GLIS3: variants seen among roughly 807,000 people sequenced by gnomAD.
GLIS3 encodes the protein GLIS family zinc finger 3.
Under a neutral mutation model 78.6 loss-of-function variants are expected in GLIS3, and 53 were observed. The observed-to-expected ratio is 0.67, with a 90% CI of 0.54 to 0.85. GLIS3 has a LOEUF of 0.85. Ranked by LOEUF, GLIS3 falls within the 40% of genes least tolerant of loss-of-function variation. GLIS3 has a pLI of 0.00. For missense variants in GLIS3, 1,703 were observed against 1,231.1 expected, an observed-to-expected ratio of 1.38 and a Z score of -5.74; for synonymous variants, 684 against 509.9, an observed-to-expected ratio of 1.34 and a Z score of -4.60.
the GLIS3 span, among the ~76,000 whole-genome samples, chr9:4,425,007 G>A: frequency 4.6e-5 from 7 of 152,060 alleles, no homozygotes; most frequent in Non-Finnish European, 7.4e-5. Flanking sequence ...GGGAGCTCCC[G>A]TATTCCCCTC....
chr9:4,479,975 G>C, the GLIS3 span, among the ~76,000 whole-genome samples: 1 of 121,550 alleles, frequency 8.2e-6, no homozygotes, highest in Non-Finnish European at 1.6e-5. Context: ...GGCTGGTCTT[G>C]AACTCCCGAC....
chr9:4,042,138 T>C (rs1824865145), intron 4 of GLIS3, among the ~76,000 whole-genome samples: 1 of 152,162 alleles, frequency 6.6e-6, no homozygotes, highest in African/African-American at 2.4e-5. Flanking sequence ...TGTTTTTTTT[T>C]TCTTTAGTCA....
intron 2 of GLIS3, among the ~76,000 whole-genome samples, chr9:4,266,033 C>T (rs1460692771): frequency 4.6e-5 from 7 of 152,226 alleles, no homozygotes; most frequent in African/African-American, 1.7e-4. Flanking sequence ...ATTCTCCTGC[C>T]TCAGCCTCCC....
intron 2 of GLIS3, among the ~76,000 whole-genome samples, chr9:4,170,477 T>C (rs1231361366): frequency 6.6e-6 from 1 of 152,194 alleles, no homozygotes; most frequent in South Asian, 2.1e-4. Context: ...CCCAGCTCTA[T>C]GGGAAATCTC....
intron 4 of GLIS3, among the ~76,000 whole-genome samples, chr9:3,943,641 C>G (rs1448737455): frequency 6.6e-6 from 1 of 152,184 alleles, no homozygotes; most frequent in Non-Finnish European, 1.5e-5. Flanking sequence ...CCAAAGGTTC[C>G]AAGTATCTAA....
chr9:4,080,866 A>T (rs1285173121), intron 4 of GLIS3, among the ~76,000 whole-genome samples: 1 of 152,030 alleles, frequency 6.6e-6, no homozygotes, highest in East Asian at 1.9e-4. Context: ...GATCATCTTG[A>T]CCCCCGGGCG....
chr9:4,053,070 C>G (rs1825852303), intron 4 of GLIS3, among the ~76,000 whole-genome samples: 1 of 152,162 alleles, frequency 6.6e-6, no homozygotes, highest in Non-Finnish European at 1.5e-5. Context: ...GCCTCAGCCT[C>G]CTGAGTAGCT....
intron 2 of GLIS3, among the ~76,000 whole-genome samples, chr9:4,281,813 A>G (rs1156717934): frequency 6.6e-6 from 1 of 152,206 alleles, no homozygotes; most frequent in Non-Finnish European, 1.5e-5. Flanking sequence ...ACTTACTGTT[A>G]AAACTGTCAA....
the GLIS3 span, among the ~76,000 whole-genome samples, chr9:4,421,117 T>C: frequency 1.3e-5 from 2 of 152,366 alleles, no homozygotes; most frequent in East Asian, 1.9e-4. Flanking sequence ...TGTCAGTGAC[T>C]GCTGACTTGT....
intron 8 of GLIS3, among the ~76,000 whole-genome samples, chr9:3,857,785 G>A (rs1028123760): frequency 2.0e-5 from 3 of 152,182 alleles, no homozygotes; most frequent in African/African-American, 7.2e-5. Flanking sequence ...TAGCTTGAGA[G>A]AAAACACAGC....
chr9:4,131,240 T>C (rs1832951780), intron 2 of GLIS3, among the ~76,000 whole-genome samples: 1 of 152,192 alleles, frequency 6.6e-6, no homozygotes, highest in African/African-American at 2.4e-5. Context: ...CTCAGATGAA[T>C]CTTTAGACTT....
At chr9:4,341,357 G>A (rs539898932) in intron 2 of GLIS3, among the ~76,000 whole-genome samples, 2 of 152,328 alleles carry the variant, frequency 1.3e-5, no homozygotes, top group South Asian at 4.1e-4. Flanking sequence ...GGCAACATCT[G>A]ACCCTGTTCA....
At chr9:4,237,929 AAGGGACAAG>A (rs1160993297) in intron 2 of GLIS3, among the ~76,000 whole-genome samples, 1 of 152,178 alleles carries the variant, frequency 6.6e-6, no homozygotes, top group Non-Finnish European at 1.5e-5. Flanking sequence ...CAGCAGCTGC[AAGGGACAAG>A]ATGAATCCTT....
chr9:4,456,590 G>A, the GLIS3 span, among the ~76,000 whole-genome samples: 2,122 of 152,306 alleles, frequency 0.014, 55 homozygotes, highest in African/African-American at 0.048. Context: ...ACTGTTTGGT[G>A]CAAGAGGCCT....
At chr9:4,326,173 C>A (rs1817595518) in intron 2 of GLIS3, among the ~76,000 whole-genome samples, 1 of 152,108 alleles carries the variant, frequency 6.6e-6, no homozygotes, top group Non-Finnish European at 1.5e-5. Flanking sequence ...ATGTAACAAA[C>A]CTGCACATCC....
intron 8 of GLIS3, among the ~76,000 whole-genome samples, chr9:3,859,378 C>G (rs1210277853): frequency 6.7e-5 from 1 of 14,862 alleles, no homozygotes; most frequent in South Asian, 3.9e-3. Context: ...CACACACACA[C>G]ACACACACAC....
intron 2 of GLIS3, among the ~76,000 whole-genome samples, chr9:4,335,611 G>T (rs940062989): frequency 1.3e-5 from 2 of 152,108 alleles, no homozygotes; most frequent in Non-Finnish European, 2.9e-5. Context: ...CTTACACCTG[G>T]CATCTCACCT....
the GLIS3 span, among the ~76,000 whole-genome samples, chr9:4,365,745 C>A: frequency 6.6e-6 from 1 of 152,224 alleles, no homozygotes; most frequent in African/African-American, 2.4e-5. Flanking sequence ...CCCTACTCCA[C>A]TGACTGCCAA....
intron 2 of GLIS3, among the ~76,000 whole-genome samples, chr9:4,248,638 G>T (rs1011095622): frequency 1.3e-5 from 2 of 152,078 alleles, no homozygotes; most frequent in Non-Finnish European, 2.9e-5. Flanking sequence ...TGGTATTTCT[G>T]GTTCTAGATC....
Sources: gnomAD v4.1 joint callset for allele counts (sites outside exome capture counted in the v4.1 genomes callset) on GRCh38, gnomAD v4.1.1 for gene constraint, MANE v1.5 for transcripts, NCBI Gene and HGNC (gene_info 2026-07-23, HGNC 2026-07-21) for gene names.